SPEF2: variants seen among roughly 807,000 people sequenced by gnomAD.
The protein encoded by SPEF2 is sperm flagella and cilia-associated protein 2.
In SPEF2, 187 loss-of-function variants were observed where a neutral mutation model predicts 224.6. The observed-to-expected ratio is 0.83, with a 90% CI of 0.74 to 0.94. The LOEUF (loss-of-function observed/expected upper bound fraction) is 0.94, where lower values mean the gene tolerates loss of function less well. Ranked by LOEUF, SPEF2 falls within the 40% of genes least tolerant of loss-of-function variation. The probability of loss-of-function intolerance (pLI) is 0.00; values close to 1 mark genes in which losing one functional copy is unlikely to be tolerated. For missense variants in SPEF2, 2,170 were observed against 2,135.6 expected, an observed-to-expected ratio of 1.02 and a Z score of -0.32; for synonymous variants, 715 against 707.3, an observed-to-expected ratio of 1.01 and a Z score of -0.17.
At chr5:35,659,865 A>G (rs1749467969) in intron 8 of SPEF2, among the ~76,000 whole-genome samples, 1 of 151,650 alleles carries the variant, frequency 6.6e-6, no homozygotes, top group Non-Finnish European at 1.5e-5. Context: ...ACTAGACACC[A>G]TTAGTCTTTA....
chr5:35,758,233 G>T (rs947243251), intron 24 of SPEF2, among the ~76,000 whole-genome samples: 6 of 152,060 alleles, frequency 3.9e-5, no homozygotes, highest in Non-Finnish European at 1.5e-5. Flanking sequence ...TTTTTACAAA[G>T]ATGCTTTCTG....
intron 20 of SPEF2, among the ~76,000 whole-genome samples, chr5:35,726,538 G>A (rs973904162): frequency 8.6e-5 from 13 of 151,956 alleles, no homozygotes; most frequent in African/African-American, 2.9e-4. Context: ...TATATAAGTA[G>A]AGATCACCTA....
chr5:35,721,689 T>G (rs527484648), intron 20 of SPEF2, among the ~76,000 whole-genome samples: 4 of 152,232 alleles, frequency 2.6e-5, no homozygotes, highest in Non-Finnish European at 5.9e-5. Flanking sequence ...TTGTCTTTCT[T>G]TAGGCCGAAT....
At chr5:35,753,475 G>T (rs1339255577) in intron 23 of SPEF2, 149 bp from the exon 24 acceptor site, 17 of 988,186 alleles carry the variant, frequency 1.7e-5, no homozygotes, top group Non-Finnish European at 2.0e-5. Flanking sequence ...AATATTGGTT[G>T]AATGAGCACA....
At chr5:35,690,572 T>C (rs1042652389) in intron 10 of SPEF2, among the ~76,000 whole-genome samples, 1 of 152,148 alleles carries the variant, frequency 6.6e-6, no homozygotes, top group Non-Finnish European at 1.5e-5. Context: ...ATCTGATCAT[T>C]TGATCATTTC....
chr5:35,790,211 T>A (rs1384694842), intron 30 of SPEF2: 1 of 693,650 alleles, frequency 1.4e-6, no homozygotes, highest in African/African-American at 1.8e-5. Context: ...AGGCTGAAAG[T>A]ATGACGGATG....
chr5:35,689,049 C>A (rs1754059698), intron 10 of SPEF2, among the ~76,000 whole-genome samples: 1 of 152,048 alleles, frequency 6.6e-6, no homozygotes, highest in Non-Finnish European at 1.5e-5. Context: ...AGCTTTCTAT[C>A]TTCTTCTGTA....
At chr5:35,672,651 G>A (rs1439974162) in intron 10 of SPEF2, among the ~76,000 whole-genome samples, 1 of 151,522 alleles carries the variant, frequency 6.6e-6, no homozygotes, top group Non-Finnish European at 1.5e-5. Context: ...AACAAATAGT[G>A]TAATACATTT....
intron 5 of SPEF2, among the ~76,000 whole-genome samples, chr5:35,648,659 A>T (rs1439455379): frequency 6.6e-6 from 1 of 152,220 alleles, no homozygotes; most frequent in Non-Finnish European, 1.5e-5. Flanking sequence ...TTTGTAAAAC[A>T]CAAAGATGAC....
rs543192188 is a variant in SPEF2, at chr5:35,722,261, G to C, written c.2915-5414G>C. 2.6e-5 allele frequency among the ~76,000 whole-genome samples: 4 copies of C among 152,136 alleles called. No individual in the cohort carries two copies. In the South Asian group the frequency reaches 8.3e-4, roughly 32 times the overall value. On this transcript the variant is annotated intron_variant, in intron 20 of 36. Coordinates refer to ENST00000356031, the MANE Select transcript of SPEF2 (RefSeq NM_024867.4). ...GTGGCTGGGAACCAGCCATCCAGCT[G>C]GTCAGGACCCTGGGACCATGCGTCC... is the stretch of plus-strand genomic sequence containing the variant.
chr5:35,792,631 T>C (rs1756122760), intron 31 of SPEF2, among the ~76,000 whole-genome samples, 185 bp downstream of exon 31: 1 of 152,242 alleles, frequency 6.6e-6, no homozygotes, highest in South Asian at 2.1e-4. Flanking sequence ...TGCTCAATAT[T>C]TGAAGAATAA....
At chr5:35,733,473 A>T (rs1007955519) in intron 21 of SPEF2, among the ~76,000 whole-genome samples, 8 of 152,188 alleles carry the variant, frequency 5.3e-5, no homozygotes, top group African/African-American at 1.9e-4. Context: ...TTTATTTAGA[A>T]TATCAAAAAA....
At chr5:35,703,035 C>T (rs1231055672) in intron 16 of SPEF2, among the ~76,000 whole-genome samples, 1 of 151,090 alleles carries the variant, frequency 6.6e-6, no homozygotes, top group Non-Finnish European at 1.5e-5. Context: ...GTGGAGATAA[C>T]TCCCAAGAAG....
At chr5:35,788,476 C>T (rs934822830) in intron 30 of SPEF2, 3 of 702,474 alleles carry the variant, frequency 4.3e-6, no homozygotes, top group Non-Finnish European at 7.8e-6. Flanking sequence ...GAATCATAGA[C>T]AGTTTAATCA....
At chr5:35,659,427 A>G (rs1749405590) in intron 8 of SPEF2, among the ~76,000 whole-genome samples, 1 of 152,152 alleles carries the variant, frequency 6.6e-6, no homozygotes, top group Admixed American at 6.5e-5. Context: ...TTGGTTCTAC[A>G]AGTAGCTAAG....
At position 35,641,523 on chromosome 5, in the gene SPEF2, T is replaced by C. The variant is rs1190505930; in HGVS notation, c.254T>C (p.Ile85Thr). The C allele has an allele frequency of 6.2e-7, 1 of 1,613,862 alleles. No homozygotes were observed. Among genetic ancestry groups the C allele is most frequent in the South Asian group, 1.1e-5 (1 of 91,076 alleles). Residue 85 changes from isoleucine to threonine, a missense_variant, in exon 3 of 37, where the codon ATC becomes ACC. Ile to Thr is a moderately conservative substitution (Grantham distance 89, BLOSUM62 -1). Coordinates refer to ENST00000356031, the MANE Select transcript of SPEF2 (RefSeq NM_024867.4). ...TTTGATCAGAATGTGGCCCATGGCA[T>C]CATCACAGAAAAGCCTGGGGTGGCA... ...VQFDQNVAHG[I>T]ITEKPGVATK... is the part of the protein sequence containing the mutation.
chr5:35,659,700 T>C (rs1233642602), intron 8 of SPEF2, among the ~76,000 whole-genome samples: 2 of 152,208 alleles, frequency 1.3e-5, no homozygotes, highest in East Asian at 1.9e-4. Context: ...AGAATGGTGA[T>C]AGTCTAACTT....
At position 35,806,689 on chromosome 5, in the gene SPEF2, C is replaced by G. The variant is rs1206515957; in HGVS notation, c.5011-18C>G. ...AAACTTCAGTTTAACTTCATGTTCT[C>G]TTCATTTAACTTTGCAGACCTCCTC... On this transcript the variant is annotated intron_variant, in intron 34 of 36. Coordinates refer to ENST00000356031, the MANE Select transcript of SPEF2 (RefSeq NM_024867.4). 2 of 1,596,674 alleles carry G rather than the reference C, an allele frequency of 1.3e-6. No homozygotes were observed. The highest frequency in any genetic ancestry group is 2.3e-5 in the South Asian group (2 of 87,192).
intron 18 of SPEF2, among the ~76,000 whole-genome samples, chr5:35,708,569 A>ACACCACCACCATCACCATAACTCT (rs1554037869): frequency 1.1e-5 from 1 of 91,580 alleles, no homozygotes. Flanking sequence ...CACCACTACC[A>ACACCACCACCATCACCATAACTCT]CACCACCACC....
Sources: gnomAD v4.1 joint callset for allele counts (sites outside exome capture counted in the v4.1 genomes callset) on GRCh38, gnomAD v4.1.1 for gene constraint, MANE v1.5 for transcripts, NCBI Gene and HGNC (gene_info 2026-07-23, HGNC 2026-07-21) for gene names.